Variants in PCDH15 observed in about 807,000 individuals in gnomAD.
PCDH15 encodes the protein protocadherin related 15, also known as protocadherin-15.
Under a neutral mutation model 178.5 loss-of-function variants are expected in PCDH15, and 129 were observed. The ratio of observed to expected loss-of-function variants is 0.72; its 90% CI spans 0.63 to 0.84. The LOEUF is 0.84. Ranked by LOEUF, PCDH15 falls within the 40% of genes least tolerant of loss-of-function variation. The pLI, the probability that PCDH15 is intolerant of heterozygous loss-of-function variation, is 0.00. For synonymous variants in PCDH15, 800 were observed against 732.0 expected (o/e 1.09, Z -1.50); for missense variants, 2,230 against 2,099.9 (o/e 1.06, Z -1.21).
intron 2 of PCDH15, among the ~76,000 whole-genome samples, chr10:55,107,806 CT>C (rs1337172771): frequency 6.6e-6 from 1 of 151,230 alleles, no homozygotes; most frequent in African/African-American, 2.4e-5. Context: ...CTTACAGTTA[CT>C]GTTTTCATAA....
At chr10:54,951,769 T>C (rs1838346474) in intron 2 of PCDH15, among the ~76,000 whole-genome samples, 1 of 151,898 alleles carries the variant, frequency 6.6e-6, no homozygotes, top group South Asian at 2.1e-4. Flanking sequence ...TAAACAGAGG[T>C]ATCTCAGATT....
At chr10:55,355,716 A>G (rs1435225847) in intron 2 of PCDH15, among the ~76,000 whole-genome samples, 1 of 151,972 alleles carries the variant, frequency 6.6e-6, no homozygotes, top group Non-Finnish European at 1.5e-5. Context: ...TAATAGTGCC[A>G]TTCACATTAA....
chr10:55,600,700 G>C (rs1219660296), intron 2 of PCDH15, among the ~76,000 whole-genome samples: 2 of 151,984 alleles, frequency 1.3e-5, no homozygotes, highest in African/African-American at 4.8e-5. Context: ...AGTATGAAAG[G>C]ATATGAGAAA....
intron 1 of PCDH15, among the ~76,000 whole-genome samples, chr10:54,699,442 T>C (rs993146530): frequency 6.6e-6 from 1 of 152,044 alleles, no homozygotes; most frequent in Non-Finnish European, 1.5e-5. Flanking sequence ...TAACCAGAAG[T>C]AACAAAATCT....
chr10:55,414,339 A>C (rs1244354842), intron 2 of PCDH15, among the ~76,000 whole-genome samples: 1 of 151,594 alleles, frequency 6.6e-6, no homozygotes, highest in Non-Finnish European at 1.5e-5. Context: ...CAACCCGATG[A>C]AGAGTAGTTC....
chr10:54,431,528 T>C (rs575576409), intron 3 of PCDH15, among the ~76,000 whole-genome samples: 1 of 152,304 alleles, frequency 6.6e-6, no homozygotes, highest in African/African-American at 2.4e-5. Flanking sequence ...CCATTGATGT[T>C]GTAAAAGTAT....
chr10:54,091,129 A>G (rs988650291), intron 15 of PCDH15, among the ~76,000 whole-genome samples: 4 of 152,224 alleles, frequency 2.6e-5, no homozygotes, highest in Non-Finnish European at 5.9e-5. Context: ...ACATCAAATC[A>G]GTTCTTTTTC....
chr10:54,902,363 G>A (rs904254152), intron 2 of PCDH15, among the ~76,000 whole-genome samples: 1 of 152,162 alleles, frequency 6.6e-6, no homozygotes, highest in Non-Finnish European at 1.5e-5. Context: ...GGTGGGAGAT[G>A]ATTGGATTAT....
intron 2 of PCDH15, among the ~76,000 whole-genome samples, chr10:54,622,538 C>G (rs1300405572): frequency 1.1e-5 from 1 of 90,206 alleles, no homozygotes; most frequent in Non-Finnish European, 2.2e-5. Context: ...TATTCCAAAC[C>G]CTTGCTGTCA....
At chr10:55,411,279 C>T (rs1214807936) in intron 2 of PCDH15, among the ~76,000 whole-genome samples, 1 of 152,028 alleles carries the variant, frequency 6.6e-6, no homozygotes, top group Non-Finnish European at 1.5e-5. Context: ...AAGAAAATGA[C>T]ATTATCTTTT....
intron 16 of PCDH15, among the ~76,000 whole-genome samples, chr10:54,089,013 A>T (rs541287182): frequency 6.6e-6 from 1 of 152,336 alleles, no homozygotes. Context: ...ATAAAAATGA[A>T]AACAGTTAAG....
At chr10:54,519,359 CAA>C (rs1426773853) in intron 3 of PCDH15, among the ~76,000 whole-genome samples, 3 of 152,088 alleles carry the variant, frequency 2.0e-5, no homozygotes, top group African/African-American at 7.2e-5. Context: ...GCAACTTCAG[CAA>C]AGTCTCAGGA....
intron 2 of PCDH15, among the ~76,000 whole-genome samples, chr10:55,010,025 T>G (rs1432573382): frequency 6.6e-6 from 1 of 152,128 alleles, no homozygotes; most frequent in Admixed American, 6.6e-5. Context: ...AATACAAGTA[T>G]AGTGTTTTAG....
chr10:54,078,165 C>T (rs1449122330), intron 17 of PCDH15, among the ~76,000 whole-genome samples: 1 of 152,078 alleles, frequency 6.6e-6, no homozygotes, highest in Non-Finnish European at 1.5e-5. Context: ...TCACTGTTTA[C>T]TACAACTGTT....
Position 53,836,140 on chromosome 10 carries a change from G to A in PCDH15, c.3983+4180C>T, listed in dbSNP as rs565522718. ...GGGGAGGAGCAGGAAGTCCTCTCAG[G>A]TGTAAGATCTTGCACCAATACAAAG... On this transcript the variant is annotated intron_variant, in intron 29 of 37. Transcript: ENST00000644397. Among the ~76,000 whole-genome samples the A allele has an allele frequency of 2.6e-5, 4 of 152,210 alleles. No individual in the cohort carries two copies. In the South Asian group the frequency reaches 8.3e-4, roughly 32 times the overall value.
At chr10:53,897,341 C>G (rs1434280493) in intron 26 of PCDH15, among the ~76,000 whole-genome samples, 1 of 152,094 alleles carries the variant, frequency 6.6e-6, no homozygotes, top group Non-Finnish European at 1.5e-5. Flanking sequence ...TAATATAAAT[C>G]TTTACTTCTG....
chr10:54,931,189 A>C (rs1837765388), intron 2 of PCDH15, among the ~76,000 whole-genome samples: 1 of 152,188 alleles, frequency 6.6e-6, no homozygotes, highest in Non-Finnish European at 1.5e-5. Flanking sequence ...GAGCTATATT[A>C]TCCTCTGGGT....
At chr10:54,752,487 AAAAACAAAAAACAAAAAAC>A (rs1566127178) in intron 1 of PCDH15, among the ~76,000 whole-genome samples, 4 of 93,094 alleles carry the variant, frequency 4.3e-5, no homozygotes, top group Non-Finnish European at 7.8e-5. Flanking sequence ...AAAAAAAAAA[AAAAACAAAAAACAAAAAAC>A]AAAAAACAAA....
chr10:54,798,692 C>G (rs1225011372), intron 1 of PCDH15, among the ~76,000 whole-genome samples: 1 of 151,982 alleles, frequency 6.6e-6, no homozygotes, highest in Non-Finnish European at 1.5e-5. Flanking sequence ...GTAGTGTGGT[C>G]TCTTTGTTTA....
Sources: allele counts gnomAD v4.1 joint callset (sites outside exome capture counted in the v4.1 genomes callset), GRCh38; gene constraint gnomAD v4.1.1; transcripts MANE v1.5; gene names NCBI Gene and HGNC (gene_info 2026-07-23, HGNC 2026-07-21).